The following GPR89B variants were observed in gnomAD, a reference collection of about 807,000 sequenced individuals.
The protein encoded by GPR89B is golgi pH regulator B, also known as G protein-coupled receptor 89B.
GPR89B carries 25 observed loss-of-function variants against 52.4 expected under a neutral mutation model. That is an observed-to-expected ratio of 0.48 (90% CI 0.35 to 0.67). The LOEUF (loss-of-function observed/expected upper bound fraction) is 0.67, where lower values mean the gene tolerates loss of function less well. Among genes scored for constraint, GPR89B ranks in the 30% least tolerant of loss-of-function variants. GPR89B has a pLI of 0.01. For missense variants in GPR89B, 146 were observed against 450.2 expected, an observed-to-expected ratio of 0.32 and a Z score of 6.11; for synonymous variants, 52 against 151.2, an observed-to-expected ratio of 0.34 and a Z score of 4.81.
intron 10 of GPR89B, among the ~76,000 whole-genome samples, chr1:147,978,698 C>G (rs1169613001): frequency 6.6e-6 from 1 of 151,778 alleles, no homozygotes; most frequent in Non-Finnish European, 1.5e-5. Flanking sequence ...TGCAGGGAGG[C>G]CTCGCCTAGT....
downstream of GPR89B, among the ~76,000 whole-genome samples, chr1:147,995,301 A>G (rs1189924175): frequency 2.0e-3 from 302 of 150,560 alleles, 1 homozygote; most frequent in African/African-American, 7.1e-3. Flanking sequence ...TCATATCTAG[A>G]TCATCCGATT....
At chr1:147,969,581 C>T (rs1657272883) in intron 9 of GPR89B, 1 of 300,972 alleles carries the variant, frequency 3.3e-6, no homozygotes, top group African/African-American at 2.3e-5. Context: ...TCGAACCTCT[C>T]AAAGCCTCAA....
At chr1:147,978,920 G>T (rs1658038414) in intron 10 of GPR89B, among the ~76,000 whole-genome samples, 1 of 151,160 alleles carries the variant, frequency 6.6e-6, no homozygotes, top group African/African-American at 2.5e-5. Flanking sequence ...GCTGCTGGCT[G>T]CAACCTCAGT....
intron 1 of GPR89B, among the ~76,000 whole-genome samples, chr1:147,931,104 C>A (rs1474655550): frequency 6.6e-6 from 1 of 151,938 alleles, no homozygotes; most frequent in African/African-American, 2.4e-5. Flanking sequence ...CATTCATGCT[C>A]TCATTTGCCA....
chr1:147,951,220 A>C (rs2149056114), intron 5 of GPR89B, among the ~76,000 whole-genome samples: 1 of 151,494 alleles, frequency 6.6e-6, no homozygotes, highest in Middle Eastern at 3.4e-3. Context: ...TTCATCTGTA[A>C]AATTAGGTTT....
intron 7 of GPR89B, among the ~76,000 whole-genome samples, chr1:147,961,388 A>C (rs1656545465): frequency 6.6e-6 from 1 of 152,326 alleles, no homozygotes; most frequent in East Asian, 1.9e-4. Flanking sequence ...TGAAACTGCT[A>C]AAAGGCAAAA....
At chr1:148,006,606 G>T in the GPR89B span, among the ~76,000 whole-genome samples, 2 of 151,994 alleles carry the variant, frequency 1.3e-5, no homozygotes, top group South Asian at 2.1e-4. Context: ...TATAAATTAG[G>T]CACAGTAAGA....
In GPR89B at chr1:147,928,701, ACT is replaced by A. The variant is rs1308168614; in HGVS notation, c.42+126_42+127del. ...CTCTCTTACGCGGCCTGCGCCAGTC[ACT>A]CTGGCACACAGAGAGGGTGTGCGAT... On this transcript the variant is annotated intron_variant, in intron 1 of 13. Coordinates refer to ENST00000314163, the MANE Select transcript of GPR89B (RefSeq NM_016334.5). 10 of 1,369,256 alleles carry A rather than the reference ACT, an allele frequency of 7.3e-6. No individual in the cohort carries two copies. The Admixed American group carries it at 1.1e-4, about 15-fold the overall frequency. The allele number at this position is 1,369,256 out of a possible 1,614,324, so 84.8% of individuals were successfully genotyped here.
At chr1:147,982,193 C>G (rs1461580450) in intron 10 of GPR89B, among the ~76,000 whole-genome samples, 6,707 of 151,704 alleles carry the variant, frequency 0.044, 250 homozygotes, top group African/African-American at 0.074. Flanking sequence ...CCAAGTAGCT[C>G]AGGTTACAGG....
intron 1 of GPR89B, among the ~76,000 whole-genome samples, chr1:147,935,625 G>C (rs6593843): frequency 6.6e-6 from 1 of 152,172 alleles, no homozygotes; most frequent in African/African-American, 2.4e-5. Context: ...GGTGGAGAAG[G>C]TAAGAAAACT....
At chr1:147,943,658 G>A (rs1654736557) in intron 4 of GPR89B, 114 bp downstream of exon 4, 1 of 634,366 alleles carries the variant, frequency 1.6e-6, no homozygotes, top group East Asian at 2.9e-5. Flanking sequence ...GCTATTTGAG[G>A]ATACCTCACA....
chr1:147,965,730 G>T (rs1323393976), intron 7 of GPR89B, among the ~76,000 whole-genome samples: 1 of 152,120 alleles, frequency 6.6e-6, no homozygotes, highest in Admixed American at 6.5e-5. Flanking sequence ...ATGCAATTTT[G>T]CTATTTTTTT....
chr1:147,956,469 A>C (rs1407558166), intron 7 of GPR89B, among the ~76,000 whole-genome samples: 2 of 152,102 alleles, frequency 1.3e-5, no homozygotes, highest in African/African-American at 2.4e-5. Context: ...TTAAATCTAT[A>C]GATTGCTTTA....
chr1:147,998,880 CA>C, the GPR89B span, among the ~76,000 whole-genome samples: 25,292 of 77,822 alleles, frequency 0.32, 1,919 homozygotes, highest in East Asian at 0.42. Context: ...GACTCTGTCT[CA>C]AAAAAAAAAA....
chr1:147,950,630 C>T (rs587710003), intron 5 of GPR89B, among the ~76,000 whole-genome samples: 1 of 152,306 alleles, frequency 6.6e-6, no homozygotes, highest in Admixed American at 6.5e-5. Flanking sequence ...CGCTGCACTC[C>T]AGCCTGGGCA....
intron 10 of GPR89B, among the ~76,000 whole-genome samples, chr1:147,977,430 T>C (rs1657925981): frequency 6.6e-6 from 1 of 151,542 alleles, no homozygotes; most frequent in Non-Finnish European, 1.5e-5. Flanking sequence ...TTATGTGTCT[T>C]GGGGTTGATC....
chr1:147,990,589 AT>A (rs1167104876), intron 12 of GPR89B, among the ~76,000 whole-genome samples: 3 of 152,264 alleles, frequency 2.0e-5, no homozygotes, highest in Non-Finnish European at 4.4e-5. Flanking sequence ...TACATCTAAC[AT>A]TTAAGTCTTT....
chr1:147,989,443 A>T lies in GPR89B; in HGVS notation c.1095+922A>T, dbSNP rs1196391884. 6.1e-4 allele frequency among the ~76,000 whole-genome samples: 89 copies of T among 145,656 alleles called. 1 individual carries two copies. The highest frequency in any genetic ancestry group is 4.8e-3 in the East Asian group (24 of 5,050). On this transcript the variant is annotated intron_variant, in intron 12 of 13. Transcript: ENST00000314163. ...AACTATTTTCTTTTTTTTTTTTTTT[A>T]AATTATACTTTAAGTTCTAGGGTAC...
the GPR89B span, chr1:148,021,903 CTT>C: frequency 6.7e-6 from 1 of 148,204 alleles, no homozygotes; most frequent in African/African-American, 2.5e-5. Context: ...TTCATCTACT[CTT>C]TTCCTCAGCG....
Sources: gnomAD v4.1 joint callset for allele counts (sites outside exome capture counted in the v4.1 genomes callset) on GRCh38, gnomAD v4.1.1 for gene constraint, MANE v1.5 for transcripts, NCBI Gene and HGNC (gene_info 2026-07-23, HGNC 2026-07-21) for gene names.